Variants in ADGRF5 observed in about 807,000 individuals in gnomAD.
ADGRF5 encodes the protein G-protein coupled receptor 116.
ADGRF5 carries 75 observed loss-of-function variants against 132.3 expected under a neutral mutation model. The ratio of observed to expected loss-of-function variants is 0.57; its 90% CI spans 0.47 to 0.69. The LOEUF is 0.69. ADGRF5 is among the 30% of genes least tolerant of loss of function. The pLI is 0.00. For synonymous variants in ADGRF5, 629 were observed against 597.6 expected (o/e 1.05, Z -0.77); for missense variants, 1,516 against 1,630.6 (o/e 0.93, Z 1.21).
intron 1 of ADGRF5, among the ~76,000 whole-genome samples, chr6:46,950,276 A>G (rs760950461): frequency 6.6e-6 from 1 of 152,164 alleles, no homozygotes; most frequent in Non-Finnish European, 1.5e-5. Flanking sequence ...AAATCCTTCC[A>G]CACATTGAGC....
At chr6:46,863,862 T>C (rs1242619093) in intron 14 of ADGRF5, among the ~76,000 whole-genome samples, 1 of 152,190 alleles carries the variant, frequency 6.6e-6, no homozygotes, top group African/African-American at 2.4e-5. Context: ...ATGTGTTGGC[T>C]AAGATGAGTG....
At chr6:46,854,995 C>T (rs1262283101) in intron 20 of ADGRF5, among the ~76,000 whole-genome samples, 7 of 152,180 alleles carry the variant, frequency 4.6e-5, no homozygotes, top group Admixed American at 3.3e-4. Context: ...TGATGCATTT[C>T]TCAACTCTGC....
intron 20 of ADGRF5, among the ~76,000 whole-genome samples, 179 bp downstream of exon 20, chr6:46,855,795 C>T (rs185516214): frequency 6.6e-6 from 1 of 152,274 alleles, no homozygotes; most frequent in East Asian, 1.9e-4. Context: ...GGCAGCTGCC[C>T]TCTGTACCCA....
At chr6:46,885,600 G>A (rs1230667951) in intron 4 of ADGRF5, among the ~76,000 whole-genome samples, 1 of 152,048 alleles carries the variant, frequency 6.6e-6, no homozygotes, top group Admixed American at 6.6e-5. Context: ...TTCATCTCTG[G>A]GCCTATGTAC....
At chr6:46,873,357 T>C (rs1331360777) in intron 10 of ADGRF5, among the ~76,000 whole-genome samples, 1 of 152,098 alleles carries the variant, frequency 6.6e-6, no homozygotes, top group East Asian at 1.9e-4. Flanking sequence ...TTCTTCACCC[T>C]CTCCTCTACC....
At chr6:46,944,259 C>G (rs1582081540) in intron 1 of ADGRF5, among the ~76,000 whole-genome samples, 1 of 152,298 alleles carries the variant, frequency 6.6e-6, no homozygotes, top group Non-Finnish European at 1.5e-5. Flanking sequence ...TTCGCATGCA[C>G]AGTTCACAAT....
intron 8 of ADGRF5, 129 bp from the exon 9 acceptor site, chr6:46,880,168 C>T (rs536914853): frequency 9.0e-6 from 6 of 666,104 alleles, no homozygotes; most frequent in East Asian, 2.7e-5. Flanking sequence ...CTGGCTGAGG[C>T]AATGTGTCTC....
At chr6:46,883,791 G>C (rs1772753732) in intron 5 of ADGRF5, 126 bp from the exon 6 acceptor site, 1 of 616,242 alleles carries the variant, frequency 1.6e-6, no homozygotes. Context: ...TCCCAGGCTG[G>C]AGTGCAACGG....
chr6:46,945,509 T>A (rs574381980), intron 1 of ADGRF5, among the ~76,000 whole-genome samples: 9 of 152,298 alleles, frequency 5.9e-5, no homozygotes, highest in African/African-American at 2.2e-4. Context: ...ATGAATAAGA[T>A]GGCATCCCTA....
rs752073633 is a variant in ADGRF5 at position 46,867,052 on chromosome 6, C to G, written c.1707G>C (p.Leu569=). ...CTTCCAAAGGATCAACCATGATGTTCAGCTTTAGAGGCAGCGGGTGAACAA... is the reference window on the plus strand; with the variant it reads ...CTTCCAAAGGATCAACCATGATGTTGAGCTTTAGAGGCAGCGGGTGAACAA... ...DVIVHPLPLK[L]NIMVDPLEAT... The change falls in exon 13 of 21, where the codon CTG becomes CTC. Residue 569 remains leucine, a synonymous_variant. Coordinates refer to ENST00000283296, the MANE Select transcript of ADGRF5 (RefSeq NM_001098518.2). The G allele has an allele frequency of 5.0e-6, 8 of 1,613,700 alleles. No homozygotes were observed. The highest frequency in any genetic ancestry group is 6.8e-6 in the Non-Finnish European group (8 of 1,179,622).
intron 4 of ADGRF5, among the ~76,000 whole-genome samples, chr6:46,884,824 G>A (rs199807892): frequency 6.6e-6 from 1 of 152,276 alleles, no homozygotes; most frequent in East Asian, 1.9e-4. Flanking sequence ...TCATGGAGAG[G>A]TCCACATGGC....
intron 1 of ADGRF5, among the ~76,000 whole-genome samples, chr6:46,910,031 A>G (rs1382379411): frequency 6.6e-6 from 1 of 151,812 alleles, no homozygotes; most frequent in East Asian, 1.9e-4. Flanking sequence ...AAAATAAAAT[A>G]AAATAAAAAA....
chr6:46,869,083 G>T lies in ADGRF5; in HGVS notation c.1421C>A (p.Thr474Lys). 1 of 1,613,538 alleles carries T rather than the reference G, an allele frequency of 6.2e-7. No homozygotes were observed. The change falls in exon 12 of 21, where the codon ACA becomes AAA. Residue 474 changes from threonine to lysine, a missense_variant. By Grantham distance (78) the Thr-to-Lys change is moderately conservative (BLOSUM62 -1). This residue lies in a region of ADGRF5 where 945 missense variants were observed against 929.4 expected (regional missense o/e 1.02). Transcript: ENST00000283296. ...KVTFISVANL[T>K]ITPDPISVSE... Reference sequence around the variant, plus strand: ...AACAGAAATTGGGTCCGGGGTTATTGTTAGATTGGCTGAAAAAAAGGCAAA... The same window carrying T: ...AACAGAAATTGGGTCCGGGGTTATTTTTAGATTGGCTGAAAAAAAGGCAAA...
At chr6:46,906,583 T>G (rs1775396998) in intron 2 of ADGRF5, 78 bp downstream of exon 2, 1 of 801,008 alleles carries the variant, frequency 1.2e-6, no homozygotes, top group African/African-American at 1.7e-5. Flanking sequence ...TCCTTAAACT[T>G]TTTGTAAGAA....
At chr6:46,953,487 T>C (rs998165364) in intron 1 of ADGRF5, among the ~76,000 whole-genome samples, 6 of 151,548 alleles carry the variant, frequency 4.0e-5, no homozygotes, top group African/African-American at 1.5e-4. Context: ...CTGGGCGTGG[T>C]GGTGCGTGCC....
intron 1 of ADGRF5, among the ~76,000 whole-genome samples, chr6:46,911,805 A>C (rs1252603485): frequency 2.6e-5 from 4 of 152,180 alleles, no homozygotes; most frequent in Non-Finnish European, 5.9e-5. Flanking sequence ...AGTGAAGGGG[A>C]AGTAGCAGTA....
At chr6:46,954,905 A>C (rs1329858822) in exon 1 of ADGRF5, 1 of 143,194 alleles carries the variant, frequency 7.0e-6, no homozygotes, top group Non-Finnish European at 1.5e-5. Context: ...GCGGGTTCCC[A>C]GGCTGTCGGG....
At chr6:46,951,679 T>A (rs1437314693) in intron 1 of ADGRF5, among the ~76,000 whole-genome samples, 4 of 152,194 alleles carry the variant, frequency 2.6e-5, no homozygotes, top group Admixed American at 2.6e-4. Flanking sequence ...TCCTGGCTGC[T>A]TTCCTAAAGC....
intron 1 of ADGRF5, among the ~76,000 whole-genome samples, chr6:46,932,831 A>G (rs1272770668): frequency 2.0e-5 from 3 of 152,124 alleles, no homozygotes; most frequent in Non-Finnish European, 4.4e-5. Context: ...ACTCCTCTCA[A>G]TTCCTTTGAG....
Sources: allele counts gnomAD v4.1 joint callset (sites outside exome capture counted in the v4.1 genomes callset), GRCh38; gene constraint gnomAD v4.1.1; regional missense constraint gnomAD v4.1.1; transcripts MANE v1.5; gene names NCBI Gene and HGNC (gene_info 2026-07-23, HGNC 2026-07-21).